MAF: variants seen among roughly 807,000 people sequenced by gnomAD.
MAF encodes the protein transcription factor Maf.
Under a neutral mutation model 22.0 loss-of-function variants are expected in MAF, and 10 were observed. The ratio of observed to expected loss-of-function variants is 0.45; its 90% CI spans 0.28 to 0.77. MAF has a LOEUF of 0.77. MAF is among the 30% of genes least tolerant of loss of function. The pLI, the probability that MAF is intolerant of heterozygous loss-of-function variation, is 0.12. For synonymous variants in MAF, 337 were observed against 255.8 expected, an observed-to-expected ratio of 1.32 and a Z score of -3.03; for missense variants, 544 against 548.4, an observed-to-expected ratio of 0.99 and a Z score of 0.08.
At chr16:79,332,445 C>T in the MAF span, among the ~76,000 whole-genome samples, 5 of 152,254 alleles carry the variant, frequency 3.3e-5, no homozygotes, top group East Asian at 3.9e-4. Context: ...GGATTACAGG[C>T]GTGCACCACC....
At chr16:79,442,404 C>T in the MAF span, among the ~76,000 whole-genome samples, 1 of 152,128 alleles carries the variant, frequency 6.6e-6, no homozygotes, top group Non-Finnish European at 1.5e-5. Context: ...CAGGCTCTCC[C>T]TCTGTTGCCC....
the MAF span, among the ~76,000 whole-genome samples, chr16:79,235,069 G>C: frequency 2.6e-5 from 4 of 152,210 alleles, no homozygotes; most frequent in Admixed American, 6.5e-5. Context: ...CTTACAGACA[G>C]ATGCAAAAGC....
the MAF span, among the ~76,000 whole-genome samples, chr16:79,218,729 C>T: frequency 5.3e-5 from 8 of 152,188 alleles, no homozygotes; most frequent in Non-Finnish European, 7.3e-5. Context: ...ACAGAGTTCA[C>T]ATGTTTAATT....
the MAF span, among the ~76,000 whole-genome samples, chr16:79,447,598 T>C: frequency 6.6e-6 from 1 of 152,180 alleles, no homozygotes; most frequent in African/African-American, 2.4e-5. Flanking sequence ...GAAAACCTTC[T>C]GGAAAGTATT....
At chr16:79,227,792 A>C in the MAF span, among the ~76,000 whole-genome samples, 1 of 152,122 alleles carries the variant, frequency 6.6e-6, no homozygotes, top group Non-Finnish European at 1.5e-5. Flanking sequence ...CTCATCAAAA[A>C]AACCTGAAAT....
At chr16:79,563,045 T>A in the MAF span, among the ~76,000 whole-genome samples, 1 of 152,180 alleles carries the variant, frequency 6.6e-6, no homozygotes, top group African/African-American at 2.4e-5. Context: ...ATCAAGTCAG[T>A]GTTACATCTA....
At chr16:79,439,948 T>C in the MAF span, among the ~76,000 whole-genome samples, 120 of 152,328 alleles carry the variant, frequency 7.9e-4, no homozygotes, top group Admixed American at 2.0e-3. Context: ...TTCTTTGTTT[T>C]GTTTTGATGC....
At chr16:79,390,965 C>T in the MAF span, among the ~76,000 whole-genome samples, 1 of 152,156 alleles carries the variant, frequency 6.6e-6, no homozygotes, top group Admixed American at 6.5e-5. Flanking sequence ...CCCTCAAGTG[C>T]TAGATTTATT....
At chr16:79,346,569 C>A in the MAF span, among the ~76,000 whole-genome samples, 2 of 152,152 alleles carry the variant, frequency 1.3e-5, no homozygotes, top group Non-Finnish European at 2.9e-5. Context: ...TAGTCTTCAA[C>A]CTCAAGGATA....
chr16:79,275,856 G>T, the MAF span, among the ~76,000 whole-genome samples: 1 of 152,022 alleles, frequency 6.6e-6, no homozygotes, highest in South Asian at 2.1e-4. Flanking sequence ...TTTGAAACAG[G>T]CCAGGCAGGG....
At chr16:79,340,597 G>A in the MAF span, among the ~76,000 whole-genome samples, 5 of 151,714 alleles carry the variant, frequency 3.3e-5, no homozygotes, top group African/African-American at 1.2e-4. Context: ...TTTGTGGTGG[G>A]ACATTTAGGA....
chr16:79,218,863 T>A, the MAF span, among the ~76,000 whole-genome samples: 1 of 152,072 alleles, frequency 6.6e-6, no homozygotes, highest in Non-Finnish European at 1.5e-5. Context: ...CTTTTCAATC[T>A]CCAGTTGTAG....
the MAF span, among the ~76,000 whole-genome samples, chr16:79,376,063 G>A: frequency 5.3e-5 from 8 of 151,640 alleles, no homozygotes; most frequent in African/African-American, 1.7e-4. Context: ...CATTGACATT[G>A]CCTGGGAGAA....
At chr16:79,213,789 C>CG in the MAF span, among the ~76,000 whole-genome samples, 6 of 151,804 alleles carry the variant, frequency 4.0e-5, no homozygotes, top group African/African-American at 1.4e-4. Flanking sequence ...CACAGCAATG[C>CG]AAAAGATAGT....
chr16:79,481,449 A>T, the MAF span, among the ~76,000 whole-genome samples: 1 of 152,074 alleles, frequency 6.6e-6, no homozygotes, highest in Non-Finnish European at 1.5e-5. Context: ...GCCACTACTC[A>T]TCTACTTCCC....
chr16:79,533,669 G>C, the MAF span, among the ~76,000 whole-genome samples: 1 of 152,182 alleles, frequency 6.6e-6, no homozygotes, highest in East Asian at 1.9e-4. Context: ...AGTCTGCTAG[G>C]GGGGAAAATA....
At chr16:79,454,166 G>A in the MAF span, among the ~76,000 whole-genome samples, 1 of 152,148 alleles carries the variant, frequency 6.6e-6, no homozygotes, top group Non-Finnish European at 1.5e-5. Context: ...GAGATTAAGC[G>A]ATTGCTAAAG....
At chr16:79,443,727 G>A in the MAF span, among the ~76,000 whole-genome samples, 1 of 152,204 alleles carries the variant, frequency 6.6e-6, no homozygotes, top group Non-Finnish European at 1.5e-5. Context: ...TTGGTCACAA[G>A]TGACTTATGT....
the MAF span, among the ~76,000 whole-genome samples, chr16:79,431,903 A>G: frequency 0.78 from 118,051 of 151,804 alleles, 46,768 homozygotes; most frequent in African/African-American, 0.92. Context: ...CCTTTCCCTC[A>G]TATGCCTATG....
Sources: allele counts gnomAD v4.1 joint callset (sites outside exome capture counted in the v4.1 genomes callset), GRCh38; gene constraint gnomAD v4.1.1; transcripts MANE v1.5; gene names NCBI Gene and HGNC (gene_info 2026-07-23, HGNC 2026-07-21).